Variants in SYT16 observed in about 807,000 individuals in gnomAD.
SYT16 encodes the protein synaptotagmin-16.
A neutral mutation model predicts 61.4 loss-of-function variants in SYT16; 42 were observed. That is an observed-to-expected ratio of 0.68 (90% CI 0.53 to 0.89). The LOEUF (loss-of-function observed/expected upper bound fraction) is 0.89, where lower values mean the gene tolerates loss of function less well. Among genes scored for constraint, SYT16 ranks in the 40% least tolerant of loss-of-function variants. The pLI is 0.00. For synonymous variants in SYT16, 314 were observed against 302.3 expected (o/e 1.04, Z -0.40); for missense variants, 804 against 807.3 (o/e 1.00, Z 0.05).
intron 3 of SYT16, among the ~76,000 whole-genome samples, chr14:62,042,836 C>T (rs2054791094): frequency 6.6e-6 from 1 of 152,200 alleles, no homozygotes; most frequent in South Asian, 2.1e-4. Flanking sequence ...GAGTCCTCTT[C>T]TCTGAGCTGT....
chr14:61,955,552 C>T (rs896339175), intron 1 of SYT16, among the ~76,000 whole-genome samples: 1 of 151,860 alleles, frequency 6.6e-6, no homozygotes, highest in Non-Finnish European at 1.5e-5. Context: ...ATTTATCTTT[C>T]TCTGTGTGTC....
In SYT16 at chr14:61,870,766, A is replaced by G. The variant is rs147951770; in HGVS notation, c.-325+57956A>G. On this transcript the variant is annotated intron_variant, in intron 1 of 7. Coordinates refer to ENST00000683842, the MANE Select transcript of SYT16 (RefSeq NM_001367656.1). ...GTGTATTTTTCATCTCAGTTATTATATTATTCATCTCCATAAATTTGACCT... is the reference window on the plus strand; with the variant it reads ...GTGTATTTTTCATCTCAGTTATTATGTTATTCATCTCCATAAATTTGACCT... Among the ~76,000 whole-genome samples, 1,483 of 152,238 alleles carry G rather than the reference A, an allele frequency of 9.7e-3. 9 individuals carry two copies. Among genetic ancestry groups the G allele is most frequent in the Middle Eastern group, 0.034 (10 of 294 alleles).
At chr14:61,993,443 G>GAAC (rs1305919982) in intron 2 of SYT16, among the ~76,000 whole-genome samples, 21 of 152,044 alleles carry the variant, frequency 1.4e-4, no homozygotes, top group Admixed American at 3.9e-4. Context: ...AAAAAATTCA[G>GAAC]AACAACAACA....
At chr14:61,870,654 C>T (rs1366857652) in intron 1 of SYT16, among the ~76,000 whole-genome samples, 2 of 152,020 alleles carry the variant, frequency 1.3e-5, no homozygotes, top group African/African-American at 2.4e-5. Flanking sequence ...AGTCTTTTTA[C>T]TCTGTGTGTT....
At chr14:62,029,373 T>C (rs978264933) in intron 3 of SYT16, among the ~76,000 whole-genome samples, 4 of 152,202 alleles carry the variant, frequency 2.6e-5, no homozygotes, top group Admixed American at 1.3e-4. Flanking sequence ...GTTCTTCCAA[T>C]ACTTGGGGCA....
intron 3 of SYT16, among the ~76,000 whole-genome samples, chr14:62,013,886 C>T (rs1303780891): frequency 1.3e-5 from 2 of 152,064 alleles, no homozygotes; most frequent in African/African-American, 4.8e-5. Context: ...ATTGCTTGAA[C>T]CTGGGAGGCG....
At chr14:62,047,583 T>C (rs991954818) in intron 3 of SYT16, among the ~76,000 whole-genome samples, 12 of 152,106 alleles carry the variant, frequency 7.9e-5, no homozygotes, top group African/African-American at 1.9e-4. Flanking sequence ...CCAGTTTTTG[T>C]CCATTCAGTA....
chr14:62,111,209 CTTTAT>C lies in SYT16; in HGVS notation c.*10503_*10507del, dbSNP rs915988107. 6.6e-6 allele frequency: 1 copy of C among 151,814 alleles called. No homozygotes were observed. Among genetic ancestry groups the C allele is most frequent in the Non-Finnish European group, 1.5e-5 (1 of 67,886 alleles). The allele number at this position is 151,814 out of a possible 1,614,324, so 9.4% of individuals were successfully genotyped here. A position where few individuals can be genotyped will look rare whatever the true frequency, so the allele number is the denominator to read the frequency against. On this transcript the variant is annotated 3_prime_UTR_variant, in exon 8 of 8. Coordinates refer to ENST00000683842, the MANE Select transcript of SYT16 (RefSeq NM_001367656.1). ...GTTCTAAAATATTTTATTGGTTTTC[CTTTAT>C]ATCTCAACTTTTGATGGGTGTCCTT...
chr14:61,841,350 A>G (rs1197920206), intron 1 of SYT16, among the ~76,000 whole-genome samples: 1 of 152,222 alleles, frequency 6.6e-6, no homozygotes, highest in Non-Finnish European at 1.5e-5. Flanking sequence ...GCAGCTCTCC[A>G]GCTAACTGAA....
chr14:61,989,003 A>G (rs1438940248), intron 2 of SYT16, among the ~76,000 whole-genome samples: 1 of 152,084 alleles, frequency 6.6e-6, no homozygotes, highest in Non-Finnish European at 1.5e-5. Context: ...GGGGCAAGTC[A>G]CCTACCCTTT....
At chr14:62,087,143 T>C (rs1044520126) in intron 7 of SYT16, among the ~76,000 whole-genome samples, 4 of 152,218 alleles carry the variant, frequency 2.6e-5, no homozygotes, top group Non-Finnish European at 4.4e-5. Flanking sequence ...GATACATTTT[T>C]AGTTCCCATA....
At chr14:61,819,924 A>T (rs951567170) in intron 1 of SYT16, among the ~76,000 whole-genome samples, 5 of 152,236 alleles carry the variant, frequency 3.3e-5, no homozygotes, top group Non-Finnish European at 7.3e-5. Flanking sequence ...CAACATATGC[A>T]TTAATAAATG....
chr14:61,914,657 C>T (rs2049052263), intron 1 of SYT16, among the ~76,000 whole-genome samples: 1 of 152,160 alleles, frequency 6.6e-6, no homozygotes, highest in South Asian at 2.1e-4. Flanking sequence ...TGCTTTATAT[C>T]CAGTCTATCT....
chr14:61,996,553 C>A lies in SYT16; in HGVS notation c.523+11C>A. 6.4e-7 allele frequency: 1 copy of A among 1,572,574 alleles called. No homozygotes were observed. ...ATGGAAAAAAGCAAGGTAAGCTAGC[C>A]AGTCATCATTTTCTCTGCGTTCCTC... is the stretch of plus-strand genomic sequence containing the variant. On this transcript the variant is annotated intron_variant, in intron 3 of 7. Coordinates refer to ENST00000683842, the MANE Select transcript of SYT16 (RefSeq NM_001367656.1).
chr14:61,880,539 CTCTAGA>C (rs2047663260), intron 1 of SYT16, among the ~76,000 whole-genome samples: 1 of 152,100 alleles, frequency 6.6e-6, no homozygotes, highest in Non-Finnish European at 1.5e-5. Context: ...TTCATTGAGT[CTCTAGA>C]TCAATTTTGG....
rs1356096538 is a variant in SYT16, at chr14:62,106,703, C to G, written c.*5996C>G. 1 of 152,132 alleles carries G rather than the reference C, an allele frequency of 6.6e-6. No individual in the cohort carries two copies. Among genetic ancestry groups the G allele is most frequent in the Non-Finnish European group, 1.5e-5 (1 of 68,034 alleles). The allele number at this position is 152,132 out of a possible 1,614,324, so 9.4% of individuals were successfully genotyped here. A position where few individuals can be genotyped will look rare whatever the true frequency, so the allele number is the denominator to read the frequency against. On this transcript the variant is annotated 3_prime_UTR_variant, in exon 8 of 8. Coordinates refer to ENST00000683842, the MANE Select transcript of SYT16 (RefSeq NM_001367656.1). ...GTTTTGTTTAGGGCTTTGGGGATGC[C>G]TGCAGGCTCAGGGGGAGTTTCCTCT...
intron 3 of SYT16, among the ~76,000 whole-genome samples, chr14:62,025,423 C>T (rs567928639): frequency 6.6e-6 from 1 of 152,132 alleles, no homozygotes; most frequent in Non-Finnish European, 1.5e-5. Context: ...TTCAAACATT[C>T]TGCCCATTTT....
chr14:62,012,980 T>A (rs991132847), intron 3 of SYT16, among the ~76,000 whole-genome samples: 1 of 152,190 alleles, frequency 6.6e-6, no homozygotes, highest in African/African-American at 2.4e-5. Flanking sequence ...TGTAGATCAC[T>A]TCAGGTGAAG....
intron 3 of SYT16, among the ~76,000 whole-genome samples, chr14:62,057,919 C>T (rs2055637665): frequency 6.6e-6 from 1 of 152,152 alleles, no homozygotes; most frequent in African/African-American, 2.4e-5. Context: ...TTCCTCCTGC[C>T]TCTTTGTAAT....
Sources: allele counts gnomAD v4.1 joint callset (sites outside exome capture counted in the v4.1 genomes callset), GRCh38; gene constraint gnomAD v4.1.1; transcripts MANE v1.5; gene names NCBI Gene and HGNC (gene_info 2026-07-23, HGNC 2026-07-21).